ESR1: variants seen among roughly 807,000 people sequenced by gnomAD.
ESR1 encodes estrogen receptor 1, also known as estrogen receptor.
In ESR1, 12 loss-of-function variants were observed where a neutral mutation model predicts 52.7. That is an observed-to-expected ratio of 0.23 (90% CI 0.15 to 0.37). ESR1 has a LOEUF of 0.37. Ranked by LOEUF, ESR1 falls within the 10% of genes least tolerant of loss-of-function variation. The pLI is 1.00. For synonymous variants in ESR1, 305 were observed against 316.8 expected, an observed-to-expected ratio of 0.96 and a Z score of 0.39; for missense variants, 584 against 779.7, an observed-to-expected ratio of 0.75 and a Z score of 2.99.
intron 1 of ESR1, among the ~76,000 whole-genome samples, chr6:151,682,511 T>C (rs1030333907): frequency 6.6e-6 from 1 of 152,210 alleles, no homozygotes; most frequent in Non-Finnish European, 1.5e-5. Flanking sequence ...ATTTCAAAAA[T>C]GAGAAATGAC....
chr6:151,786,365 G>A (rs958580326), intron 2 of ESR1, among the ~76,000 whole-genome samples: 2 of 152,160 alleles, frequency 1.3e-5, no homozygotes, highest in African/African-American at 4.8e-5. Flanking sequence ...TTTCAAGCAC[G>A]CTGCAGGGCA....
intron 3 of ESR1, among the ~76,000 whole-genome samples, chr6:151,910,943 A>G (rs998336592): frequency 1.3e-5 from 2 of 152,088 alleles, no homozygotes; most frequent in Admixed American, 6.6e-5. Context: ...CCCACCTCAG[A>G]TCATCAGGCA....
chr6:151,799,311 C>A (rs1777006120), intron 2 of ESR1, among the ~76,000 whole-genome samples: 1 of 152,180 alleles, frequency 6.6e-6, no homozygotes, highest in Non-Finnish European at 1.5e-5. Context: ...AGTTTGGACT[C>A]AACAACTTAT....
chr6:151,778,407 C>CT (rs34516184), intron 2 of ESR1, among the ~76,000 whole-genome samples: 48,671 of 142,570 alleles, frequency 0.34, 8,296 homozygotes, highest in Middle Eastern at 0.4. Context: ...ATATTTACAA[C>CT]TTTTTTTTTT....
chr6:151,695,626 C>T (rs1275629403), intron 1 of ESR1, among the ~76,000 whole-genome samples: 1 of 152,198 alleles, frequency 6.6e-6, no homozygotes, highest in East Asian at 1.9e-4. Context: ...CTTTCCTCTG[C>T]TGTTCATAGA....
intron 2 of ESR1, among the ~76,000 whole-genome samples, chr6:151,848,099 C>T (rs1785483514): frequency 1.0e-5 from 1 of 97,598 alleles, no homozygotes; most frequent in South Asian, 4.2e-4. Context: ...CAATGATAGA[C>T]TGGATTAAGA....
rs566988231 is a variant in ESR1 at position 151,788,491 on chromosome 6, T to C, written c.-70-19352T>C. Among the ~76,000 whole-genome samples the C allele has an allele frequency of 5.9e-5, 9 of 152,320 alleles. No homozygotes were observed. The East Asian group carries it at 9.6e-4, about 16-fold the overall frequency. On this transcript the variant is annotated intron_variant, in intron 2 of 2. Coordinates refer to the ESR1 transcript ENST00000404742. ...AGTTGCAGAGAAATGGGAACACTTA[T>C]ATAATGTTGGTGGGAGTGTAAATTA...
At chr6:152,087,234 C>T (rs1302997355) in intron 6 of ESR1, among the ~76,000 whole-genome samples, 1 of 152,008 alleles carries the variant, frequency 6.6e-6, no homozygotes, top group Non-Finnish European at 1.5e-5. Flanking sequence ...CAAAGTGTGG[C>T]AGTATTGGCA....
At chr6:152,086,763 C>A (rs1020937089) in intron 6 of ESR1, among the ~76,000 whole-genome samples, 5 of 151,988 alleles carry the variant, frequency 3.3e-5, no homozygotes, top group African/African-American at 1.2e-4. Flanking sequence ...TGGGTTCCAG[C>A]AAAAACACTC....
At chr6:151,863,269 C>T (rs1258779183) in intron 2 of ESR1, among the ~76,000 whole-genome samples, 1 of 152,136 alleles carries the variant, frequency 6.6e-6, no homozygotes, top group Non-Finnish European at 1.5e-5. Context: ...TTCTTCCTAT[C>T]CATGAGCGTG....
chr6:152,129,513 A>G (rs2054723445), exon 7 of ESR1: 1 of 152,100 alleles, frequency 6.6e-6, no homozygotes, highest in South Asian at 2.1e-4. Context: ...AAAAGTCCCC[A>G]AGAGTTTTTC....
intron 2 of ESR1, among the ~76,000 whole-genome samples, chr6:151,704,501 C>G (rs550045159): frequency 6.6e-6 from 1 of 152,154 alleles, no homozygotes; most frequent in Non-Finnish European, 1.5e-5. Flanking sequence ...GTGATCCACC[C>G]GCCTCAGCCT....
intron 5 of ESR1, 143 bp from the exon 6 acceptor site, chr6:152,060,848 C>A: frequency 1.5e-6 from 1 of 666,472 alleles, no homozygotes; most frequent in Non-Finnish European, 2.5e-6. Flanking sequence ...GTTCATATTC[C>A]ATGAAGACAA....
chr6:151,871,043 G>T (rs771140704), intron 2 of ESR1, among the ~76,000 whole-genome samples: 3 of 151,798 alleles, frequency 2.0e-5, no homozygotes, highest in Non-Finnish European at 2.9e-5. Flanking sequence ...TAGAGCTGGG[G>T]TCTTGCTATG....
At chr6:151,979,125 A>G (rs1163546558) in intron 4 of ESR1, among the ~76,000 whole-genome samples, 2 of 152,162 alleles carry the variant, frequency 1.3e-5, no homozygotes, top group Non-Finnish European at 2.9e-5. Context: ...CAAGGACACC[A>G]GTTAGACTAG....
intron 5 of ESR1, among the ~76,000 whole-genome samples, chr6:152,060,167 A>G (rs980604664): frequency 2.6e-5 from 4 of 152,230 alleles, no homozygotes; most frequent in Non-Finnish European, 4.4e-5. Flanking sequence ...TTTAAGTACT[A>G]CATGTTATGC....
intron 4 of ESR1, among the ~76,000 whole-genome samples, chr6:151,991,343 T>C (rs2040993089): frequency 6.6e-6 from 1 of 152,138 alleles, no homozygotes; most frequent in Non-Finnish European, 1.5e-5. Context: ...TTATTTTTAT[T>C]TTCTTAGACA....
At chr6:152,025,013 G>A (rs755863460) in intron 5 of ESR1, among the ~76,000 whole-genome samples, 4 of 150,888 alleles carry the variant, frequency 2.7e-5, no homozygotes, top group Non-Finnish European at 5.9e-5. Flanking sequence ...CACCTATAAT[G>A]TCTTCTAAAA....
At position 151,825,660 on chromosome 6, in the gene ESR1, C is replaced by T. The variant is rs111437341; in HGVS notation, c.453-16937C>T. Among the ~76,000 whole-genome samples the T allele has an allele frequency of 4.5e-4, 69 of 151,932 alleles. 1 individual carries two copies. Among genetic ancestry groups the T allele is most frequent in the African/African-American group, 1.5e-3 (63 of 41,442 alleles). On this transcript the variant is annotated intron_variant, in intron 1 of 7. Coordinates refer to ENST00000206249, the MANE Select transcript of ESR1 (RefSeq NM_000125.4). ...GGTATGGTGGATCATGCCTGTAATC[C>T]CAGCACTTTGGGAGGCCAAGGCAGG...
Sources: allele counts gnomAD v4.1 joint callset (sites outside exome capture counted in the v4.1 genomes callset), GRCh38; gene constraint gnomAD v4.1.1; transcripts MANE v1.5; gene names NCBI Gene and HGNC (gene_info 2026-07-23, HGNC 2026-07-21).